ZMYM2: variants seen among roughly 807,000 people sequenced by gnomAD.
ZMYM2 encodes the protein zinc finger MYM-type protein 2.
Under a neutral mutation model 162.8 loss-of-function variants are expected in ZMYM2, and 56 were observed. The ratio of observed to expected loss-of-function variants is 0.34; its 90% CI spans 0.28 to 0.43. The LOEUF is 0.43. ZMYM2 is among the 20% of genes least tolerant of loss of function. The pLI is 1.00. For missense variants in ZMYM2, 1,275 were observed against 1,621.8 expected, an observed-to-expected ratio of 0.79 and a Z score of 3.67; for synonymous variants, 510 against 541.6, an observed-to-expected ratio of 0.94 and a Z score of 0.81.
the ZMYM2 span, among the ~76,000 whole-genome samples, chr13:19,923,022 CAAA>C: frequency 1.1e-4 from 10 of 94,530 alleles, no homozygotes; most frequent in Admixed American, 2.3e-4. Flanking sequence ...GACTCCATCT[CAAA>C]AAAAAAAAAA....
intron 24 of ZMYM2, 37 bp from the exon 25 acceptor site, chr13:20,085,785 A>C: frequency 6.4e-7 from 1 of 1,558,474 alleles, no homozygotes; most frequent in Non-Finnish European, 8.7e-7. Context: ...AAATTTTGTG[A>C]AATTGACTTT....
chr13:19,885,455 A>G, the ZMYM2 span, among the ~76,000 whole-genome samples: 1 of 152,142 alleles, frequency 6.6e-6, no homozygotes, highest in African/African-American at 2.4e-5. Flanking sequence ...TTACTGAGAT[A>G]AGGAACTTAG....
At chr13:19,948,432 A>G in the ZMYM2 span, among the ~76,000 whole-genome samples, 2 of 152,204 alleles carry the variant, frequency 1.3e-5, no homozygotes, top group Non-Finnish European at 2.9e-5. Flanking sequence ...AAAAGAAATG[A>G]ATGAACTACC....
intron 9 of ZMYM2, among the ~76,000 whole-genome samples, chr13:20,029,970 T>G (rs533067838): frequency 1.3e-5 from 2 of 151,956 alleles, no homozygotes; most frequent in African/African-American, 4.8e-5. Flanking sequence ...AATTTTTGTA[T>G]TTTTAGTAGA....
chr13:19,871,409 ATTTTAT>A, the ZMYM2 span, among the ~76,000 whole-genome samples: 1 of 151,942 alleles, frequency 6.6e-6, no homozygotes, highest in Non-Finnish European at 1.5e-5. Context: ...TTTTGTTTTT[ATTTTAT>A]TTTTATTTTT....
At chr13:19,993,001 C>G in intron 2 of ZMYM2, 62 bp from the exon 3 acceptor site, 2 of 1,491,272 alleles carry the variant, frequency 1.3e-6, no homozygotes, top group Non-Finnish European at 1.8e-6. Context: ...TCAATGGTTT[C>G]AGTTAGAGTA....
At position 20,083,787 on chromosome 13, in the gene ZMYM2, A is replaced by G; in HGVS notation, c.3941+11A>G. The G allele has an allele frequency of 6.3e-7, 1 of 1,597,542 alleles. No individual in the cohort carries two copies. Among genetic ancestry groups the G allele is most frequent in the Non-Finnish European group, 8.5e-7 (1 of 1,172,106 alleles). ...CTACTTGTCTAAAAGGTGAGTGTTA[A>G]TGATACTTAACTTTTAAAAATGTTG... On this transcript the variant is annotated intron_variant, in intron 24 of 24. Transcript: ENST00000610343.
chr13:20,074,237 T>TGTGTGA (rs1491090474), intron 21 of ZMYM2, among the ~76,000 whole-genome samples: 1,520 of 127,502 alleles, frequency 0.012, 26 homozygotes, highest in African/African-American at 0.037. Context: ...TGTGTGTGTG[T>TGTGTGA]GAGAGAGACA....
the ZMYM2 span, among the ~76,000 whole-genome samples, chr13:19,917,312 G>T: frequency 6.6e-6 from 1 of 152,040 alleles, no homozygotes; most frequent in Non-Finnish European, 1.5e-5. Context: ...ATCACGGCCG[G>T]GTGCAGTGGC....
chr13:19,931,023 T>C, the ZMYM2 span, among the ~76,000 whole-genome samples: 982 of 151,298 alleles, frequency 6.5e-3, 11 homozygotes, highest in African/African-American at 0.012. Flanking sequence ...CCTGTAGTCC[T>C]AGCTACTTGG....
intron 14 of ZMYM2, among the ~76,000 whole-genome samples, chr13:20,053,972 T>C (rs1369581172): frequency 6.6e-6 from 1 of 152,210 alleles, no homozygotes; most frequent in Non-Finnish European, 1.5e-5. Context: ...AAGGCAACTA[T>C]TAGCACGATA....
intron 7 of ZMYM2, among the ~76,000 whole-genome samples, chr13:20,020,225 A>G (rs1367128997): frequency 6.7e-6 from 1 of 148,228 alleles, no homozygotes; most frequent in Non-Finnish European, 1.5e-5. Context: ...GGCTATTATT[A>G]TTCCTCTTCT....
intron 24 of ZMYM2, among the ~76,000 whole-genome samples, 173 bp downstream of exon 24, chr13:20,083,949 A>G (rs1442994539): frequency 6.6e-6 from 1 of 152,212 alleles, no homozygotes; most frequent in Non-Finnish European, 1.5e-5. Flanking sequence ...CCCAGTTTAT[A>G]CATCATACTT....
At chr13:20,022,141 A>C (rs561050314) in intron 7 of ZMYM2, among the ~76,000 whole-genome samples, 2 of 152,066 alleles carry the variant, frequency 1.3e-5, no homozygotes, top group African/African-American at 4.8e-5. Flanking sequence ...GTGTGTGTCT[A>C]ATTTTCTAGT....
chr13:20,030,010 G>T (rs1319500831), intron 9 of ZMYM2, among the ~76,000 whole-genome samples: 1 of 151,824 alleles, frequency 6.6e-6, no homozygotes, highest in African/African-American at 2.4e-5. Context: ...GGCCAGGCTG[G>T]TCTCGAACTC....
intron 3 of ZMYM2, among the ~76,000 whole-genome samples, chr13:20,002,120 C>G (rs531972154): frequency 7.9e-4 from 120 of 152,238 alleles, no homozygotes; most frequent in Non-Finnish European, 1.4e-3. Flanking sequence ...GGCCATGAAA[C>G]TAAACATATA....
At chr13:19,962,841 T>TTTG (rs1955395600) in intron 2 of ZMYM2, among the ~76,000 whole-genome samples, 1 of 146,662 alleles carries the variant, frequency 6.8e-6, no homozygotes, top group African/African-American at 2.5e-5. Context: ...TTTTTTTTTT[T>TTTG]TTGAGACAGA....
At chr13:19,917,037 G>A in the ZMYM2 span, among the ~76,000 whole-genome samples, 2 of 152,058 alleles carry the variant, frequency 1.3e-5, no homozygotes, top group Admixed American at 6.6e-5. Flanking sequence ...ATCTCCGCTC[G>A]CTGCAAACTC....
chr13:20,006,971 A>G (rs1013806040), intron 6 of ZMYM2, among the ~76,000 whole-genome samples: 12 of 152,228 alleles, frequency 7.9e-5, no homozygotes, highest in African/African-American at 2.9e-4. Context: ...GATTATTGGC[A>G]GTAAATTTAA....
Sources: allele counts gnomAD v4.1 joint callset (sites outside exome capture counted in the v4.1 genomes callset), GRCh38; gene constraint gnomAD v4.1.1; transcripts MANE v1.5; gene names NCBI Gene and HGNC (gene_info 2026-07-23, HGNC 2026-07-21).